The following BCLAF3 variants were observed in gnomAD, a reference collection of about 807,000 sequenced individuals.
The protein encoded by BCLAF3 is BCLAF1 and THRAP3 family member 3.
In BCLAF3, 24 loss-of-function variants were observed where a neutral mutation model predicts 51.2. The ratio of observed to expected loss-of-function variants is 0.47; its 90% CI spans 0.34 to 0.66. BCLAF3 has a LOEUF of 0.66. Ranked by LOEUF, BCLAF3 falls within the 30% of genes least tolerant of loss-of-function variation. BCLAF3 has a pLI of 0.01. For missense variants in BCLAF3, 465 were observed against 525.1 expected (o/e 0.89, Z 1.12); for synonymous variants, 152 against 176.6 (o/e 0.86, Z 1.10).
At chrX:19,966,808 G>C (rs1381552753) in intron 2 of BCLAF3, among the ~76,000 whole-genome samples, 159 bp from the exon 3 acceptor site, 1 of 111,125 alleles carries the variant, frequency 9.0e-6, no homozygotes, top group Admixed American at 9.7e-5. Context: ...TTGTACATCT[G>C]GGGGTCTGAT....
intron 4 of BCLAF3, among the ~76,000 whole-genome samples, chrX:19,963,215 T>C (rs1458266110): frequency 7.0e-5 from 7 of 100,161 alleles, no homozygotes; most frequent in African/African-American, 2.5e-4. Context: ...AGTCTCACTC[T>C]ATTGCCCAGG....
rs2069850307 is a variant in BCLAF3 at position 19,913,264 on chromosome X, G to C, written c.*4041C>G. 9.0e-6 allele frequency: 1 copy of C among 110,998 alleles called. No homozygotes were observed. The highest frequency in any genetic ancestry group is 3.3e-5 in the African/African-American group (1 of 30,496). 9.1% of individuals were successfully genotyped at this position (110,998 alleles called of 1,213,427 possible). ...AATTTATGTATTTTTATTAGAGATG[G>C]GGTTTCACCATATTGGCCAGGCTGG... On this transcript the variant is annotated 3_prime_UTR_variant, in exon 12 of 12. Coordinates refer to ENST00000379682, the MANE Select transcript of BCLAF3 (RefSeq NM_001367774.2).
intron 1 of BCLAF3, among the ~76,000 whole-genome samples, chrX:19,981,079 G>T (rs745502862): frequency 1.8e-5 from 2 of 111,466 alleles, no homozygotes; most frequent in Non-Finnish European, 3.8e-5. Context: ...GGGTTTAAGG[G>T]ATACTGGCAG....
chrX:19,922,015 T>A (rs1333691647), intron 11 of BCLAF3, among the ~76,000 whole-genome samples: 1 of 110,277 alleles, frequency 9.1e-6, no homozygotes, highest in Non-Finnish European at 1.9e-5. Context: ...AATAAATAAA[T>A]AAATAATAAA....
intron 11 of BCLAF3, among the ~76,000 whole-genome samples, chrX:19,925,611 AG>A (rs1225673036): frequency 9.0e-6 from 1 of 111,511 alleles, no homozygotes; most frequent in Non-Finnish European, 1.9e-5. Flanking sequence ...GAACCTTCAA[AG>A]TTCCCTCTGA....
chrX:19,929,726 A>G, intron 11 of BCLAF3, 59 bp downstream of exon 11: 1 of 1,071,546 alleles, frequency 9.3e-7, no homozygotes, highest in Non-Finnish European at 1.3e-6. Flanking sequence ...TAATGAACAT[A>G]GATAATCTAG....
chrX:19,972,302 T>C (rs1003505765), intron 1 of BCLAF3, among the ~76,000 whole-genome samples: 2 of 111,737 alleles, frequency 1.8e-5, no homozygotes, highest in Admixed American at 1.9e-4. Context: ...TTACATTCAA[T>C]AGGGAAGCTT....
chrX:19,965,547 C>T lies in BCLAF3; in HGVS notation c.771G>A (p.Gly257=). 8.3e-7 allele frequency: 1 copy of T among 1,201,185 alleles called. No homozygotes were observed. The highest frequency in any genetic ancestry group is 1.1e-6 in the Non-Finnish European group (1 of 891,005). Residue 257 remains glycine (G), a synonymous_variant, in exon 4 of 12, where the codon GGG becomes GGA. Coordinates refer to ENST00000379682, the MANE Select transcript of BCLAF3 (RefSeq NM_001367774.2). ...YQEDTDQWNL[G]PQTYRHAERE... is the part of the protein sequence containing the mutation. ...TCTCAGCATGTCGATAAGTTTGGGG[C>T]CCAAGGTTCCACTGGTCTGTGTCCT...
At chrX:19,925,048 T>C (rs1029378140) in intron 11 of BCLAF3, among the ~76,000 whole-genome samples, 12 of 111,498 alleles carry the variant, frequency 1.1e-4, no homozygotes, top group African/African-American at 3.9e-4. Flanking sequence ...ATATGACAAG[T>C]ACATGATGAA....
intron 11 of BCLAF3, chrX:19,923,255 A>C (rs1478660537): frequency 4.3e-5 from 5 of 116,816 alleles, no homozygotes; most frequent in Non-Finnish European, 9.1e-5. Flanking sequence ...AGAGTGGAAT[A>C]ATATGCAGCC....
intron 3 of BCLAF3, 135 bp downstream of exon 3, chrX:19,965,945 C>T: frequency 1.6e-6 from 1 of 614,713 alleles, no homozygotes; most frequent in South Asian, 3.2e-5. Context: ...TACCAGTACC[C>T]CATAATTAAA....
intron 1 of BCLAF3, among the ~76,000 whole-genome samples, chrX:19,982,620 C>A (rs1460103075): frequency 3.7e-5 from 4 of 108,587 alleles, no homozygotes; most frequent in African/African-American, 1.3e-4. Flanking sequence ...AATAAGCAAA[C>A]AAAGGAGTGA....
intron 11 of BCLAF3, among the ~76,000 whole-genome samples, chrX:19,922,301 A>G (rs984088280): frequency 1.8e-5 from 2 of 111,631 alleles, no homozygotes; most frequent in Non-Finnish European, 3.8e-5. Context: ...ATTCCTATAA[A>G]TAGAAGTCCC....
chrX:19,930,066 T>C (rs973236682), intron 10 of BCLAF3, 126 bp from the exon 11 acceptor site: 2 of 627,187 alleles, frequency 3.2e-6, no homozygotes, highest in African/African-American at 2.3e-5. Context: ...TTTGGGAGAC[T>C]GAGGCAGAAC....
At position 19,950,829 on chromosome X, in the gene BCLAF3, C is replaced by T. The variant is rs1240099146; in HGVS notation, c.1669G>A (p.Asp557Asn). 8.3e-7 allele frequency: 1 copy of T among 1,208,745 alleles called. No homozygotes were observed. The highest frequency in any genetic ancestry group is 1.1e-6 in the Non-Finnish European group (1 of 894,182). ...KIIDPNDLRHDIERRRKERLQ... is the reference protein window; with the variant it reads ...KIIDPNDLRHNIERRRKERLQ... ...CGTTCTTTTCGCCTTCTTTCAATGTCATGTCGTAGGTCATTTGGATCTATT... is the reference window on the plus strand; with the variant it reads ...CGTTCTTTTCGCCTTCTTTCAATGTTATGTCGTAGGTCATTTGGATCTATT... Residue 557 changes from aspartate (D) to asparagine (N), a missense_variant, in exon 8 of 12, where the codon GAC becomes AAC. By Grantham distance (23) the Asp-to-Asn change is conservative (BLOSUM62 1). Coordinates refer to ENST00000379682, the MANE Select transcript of BCLAF3 (RefSeq NM_001367774.2).
In BCLAF3 at chrX:19,919,515, C is replaced by T. The variant is rs181064667; in HGVS notation, c.2107-2181G>A. Among the ~76,000 whole-genome samples, 295 of 109,465 alleles carry T rather than the reference C, an allele frequency of 2.7e-3. 1 individual carries two copies. Among genetic ancestry groups the T allele is most frequent in the African/African-American group, 9.2e-3 (276 of 29,992 alleles). ...TGAGCTGAGATCGTGCCATTGCACT[C>T]CAGCCTGGGCAATAACAGTGAAACT... On this transcript the variant is annotated intron_variant, in intron 11 of 11. Transcript: ENST00000379682.
rs1332705142 is a variant in BCLAF3 at position 19,956,585 on chromosome X, A to G, written c.1275-1019T>C. Among the ~76,000 whole-genome samples the G allele has an allele frequency of 3.6e-5, 4 of 111,683 alleles. No individual in the cohort carries two copies. In the South Asian group the frequency reaches 1.5e-3, roughly 42 times the overall value. On this transcript the variant is annotated intron_variant, in intron 4 of 11. Coordinates refer to ENST00000379682, the MANE Select transcript of BCLAF3 (RefSeq NM_001367774.2). ...GAAATGCTTTGTCTGCAGGCACCTCATGCATCAATGAAAAAATTTTCTCAT... is the reference window on the plus strand; with the variant it reads ...GAAATGCTTTGTCTGCAGGCACCTCGTGCATCAATGAAAAAATTTTCTCAT...
At chrX:19,968,137 TTA>T (rs1162039271) in intron 2 of BCLAF3, among the ~76,000 whole-genome samples, 2 of 112,829 alleles carry the variant, frequency 1.8e-5, no homozygotes, top group Middle Eastern at 4.6e-3. Context: ...ATATGCTATT[TTA>T]TATGTTTCAT....
intron 10 of BCLAF3, among the ~76,000 whole-genome samples, chrX:19,933,695 C>T (rs2070648031): frequency 8.9e-6 from 1 of 112,191 alleles, no homozygotes; most frequent in Non-Finnish European, 1.9e-5. Flanking sequence ...TTCTACATGT[C>T]CTCTAAGGTT....
Sources: allele counts gnomAD v4.1 joint callset (sites outside exome capture counted in the v4.1 genomes callset), GRCh38; gene constraint gnomAD v4.1.1; transcripts MANE v1.5; gene names NCBI Gene and HGNC (gene_info 2026-07-23, HGNC 2026-07-21).